The following SYS1 variants were observed in gnomAD, a reference collection of about 807,000 sequenced individuals.
SYS1 encodes protein SYS1 homolog.
Under a neutral mutation model 17.8 loss-of-function variants are expected in SYS1, and 8 were observed. The ratio of observed to expected loss-of-function variants is 0.45; its 90% CI spans 0.26 to 0.81. The LOEUF (loss-of-function observed/expected upper bound fraction) is 0.81, where lower values mean the gene tolerates loss of function less well. Among genes scored for constraint, SYS1 ranks in the 40% least tolerant of loss-of-function variants. SYS1 has a pLI of 0.16. For missense variants in SYS1, 161 were observed against 203.9 expected (o/e 0.79, Z 1.28); for synonymous variants, 95 against 90.9 (o/e 1.05, Z -0.26).
chr20:45,375,372 C>G, exon 4 of SYS1: 2 of 1,614,162 alleles, frequency 1.2e-6, no homozygotes, highest in Non-Finnish European at 8.5e-7. Context: ...GCATTGCCGC[C>G]AATGACGTTT....
chr20:45,369,267 A>G (rs1023911771), downstream of SYS1: 1 of 152,202 alleles, frequency 6.6e-6, no homozygotes, highest in Non-Finnish European at 1.5e-5. Flanking sequence ...TCTTCACAAG[A>G]ACCCTCTGAA....
Position 45,367,273 on chromosome 20 carries a change from C to G in SYS1, c.*158C>G. ...GATAGTGAGGGCCTGTCAAAGAAGGCAGGTAGCAGTCAGCATGACAGCTGC... is the reference window on the plus strand; with the variant it reads ...GATAGTGAGGGCCTGTCAAAGAAGGGAGGTAGCAGTCAGCATGACAGCTGC... On this transcript the variant is annotated 3_prime_UTR_variant, in exon 4 of 4. Transcript: ENST00000243918. 6.9e-7 allele frequency: 1 copy of G among 1,452,082 alleles called. No individual in the cohort carries two copies. The allele number at this position is 1,452,082 out of a possible 1,614,324, so 89.9% of individuals were successfully genotyped here. A position where few individuals can be genotyped will look rare whatever the true frequency, so the allele number is the denominator to read the frequency against.
chr20:45,372,730 G>A (rs1449024976), downstream of SYS1: 1 of 152,268 alleles, frequency 6.6e-6, no homozygotes, highest in African/African-American at 2.4e-5. Flanking sequence ...TTAGCGGGGT[G>A]GTGGGGGCGG....
chr20:45,367,397 C>T lies in SYS1; in HGVS notation c.*282C>T, dbSNP rs951213730. Reference sequence around the variant, plus strand: ...GAATTGGAACCATGCCACTCTTGAGCCACAATACCTGTCACCAGCCTGTTG... The same window carrying T: ...GAATTGGAACCATGCCACTCTTGAGTCACAATACCTGTCACCAGCCTGTTG... On this transcript the variant is annotated 3_prime_UTR_variant, in exon 4 of 4. Transcript: ENST00000243918. 8.0e-7 allele frequency: 1 copy of T among 1,243,158 alleles called. No homozygotes were observed. The highest frequency in any genetic ancestry group is 3.8e-5 in the Admixed American group (1 of 26,042). 77.0% of individuals were successfully genotyped at this position (1,243,158 alleles called of 1,614,324 possible). A position where few individuals can be genotyped will look rare whatever the true frequency, so the allele number is the denominator to read the frequency against.
downstream of SYS1, among the ~76,000 whole-genome samples, chr20:45,369,484 C>T (rs531847453): frequency 1.3e-5 from 2 of 151,852 alleles, no homozygotes; most frequent in South Asian, 2.1e-4. Flanking sequence ...ATAATCATAT[C>T]TTCTTGTCCT....
chr20:45,375,496 C>A, exon 4 of SYS1: 2 of 1,606,532 alleles, frequency 1.2e-6, no homozygotes, highest in Non-Finnish European at 1.7e-6. Flanking sequence ...CTCGGAGCAC[C>A]CGATCTCCTG....
chr20:45,368,798 C>T lies in SYS1; in HGVS notation c.*1683C>T, dbSNP rs373599157. The T allele has an allele frequency of 3.0e-6, 3 of 985,328 alleles. No homozygotes were observed. The African/African-American group carries it at 5.2e-5, about 17-fold the overall frequency. 61.0% of individuals were successfully genotyped at this position (985,328 alleles called of 1,614,324 possible). A position where few individuals can be genotyped will look rare whatever the true frequency, so the allele number is the denominator to read the frequency against. The stretch of plus-strand genomic sequence containing the variant: ...TCAATTTCCCTCTAGACAACACAAA[C>T]TGCAGGCATGTGACTAACTTTGAAA... On this transcript the variant is annotated 3_prime_UTR_variant, in exon 4 of 4. Transcript: ENST00000243918.
intron 2 of SYS1, among the ~76,000 whole-genome samples, chr20:45,364,070 G>C (rs1228607789): frequency 1.3e-5 from 2 of 152,294 alleles, no homozygotes; most frequent in East Asian, 3.9e-4. Context: ...TGGACTTTGG[G>C]GTCAGACAGG....
At chr20:45,375,253 A>T in exon 4 of SYS1, 1 of 1,614,088 alleles carries the variant, frequency 6.2e-7, no homozygotes, top group Non-Finnish European at 8.5e-7. Flanking sequence ...CTTAATGAAG[A>T]TGACTCGGGG....
At chr20:45,371,212 T>C (rs1279554417), downstream of SYS1, among the ~76,000 whole-genome samples, 1 of 152,166 alleles carries the variant, frequency 6.6e-6, no homozygotes, top group Non-Finnish European at 1.5e-5. Context: ...TTCTTTAAAA[T>C]GGAAAAAGTG....
exon 4 of SYS1, chr20:45,376,518 C>T (rs1317154650): frequency 6.6e-6 from 1 of 152,254 alleles, no homozygotes; most frequent in Non-Finnish European, 1.5e-5. Flanking sequence ...CTGCTTCTGC[C>T]TCTTACCACC....
At chr20:45,365,474 T>C in intron 2 of SYS1, 145 bp from the exon 3 acceptor site, 1 of 817,846 alleles carries the variant, frequency 1.2e-6, no homozygotes, top group Admixed American at 1.7e-5. Flanking sequence ...AAAGCACCTA[T>C]TGGAAATAGG....
exon 4 of SYS1, chr20:45,375,101 T>G: frequency 6.2e-7 from 1 of 1,614,116 alleles, no homozygotes; most frequent in Non-Finnish European, 8.5e-7. Flanking sequence ...CAGCGGCGCT[T>G]GACCCAACGC....
At chr20:45,374,054 A>G (rs780759395), downstream of SYS1, 6 of 1,597,622 alleles carry the variant, frequency 3.8e-6, no homozygotes, top group African/African-American at 1.3e-5. Flanking sequence ...GACTGTCCCC[A>G]GGGGGCGCTG....
In SYS1 at chr20:45,363,323, G is replaced by C. The variant is rs940534394; in HGVS notation, c.-4+8G>C. 4 of 1,389,404 alleles carry C rather than the reference G, an allele frequency of 2.9e-6. No homozygotes were observed. The African/African-American group carries it at 4.4e-5, about 15-fold the overall frequency. The allele number at this position is 1,389,404 out of a possible 1,614,324, so 86.1% of individuals were successfully genotyped here. Reference sequence around the variant, plus strand: ...TCGTCGAGTCTGTCACTGGTGAGTAGACCCCAGAGGAGCTCGTGTACGGGC... The same window carrying C: ...TCGTCGAGTCTGTCACTGGTGAGTACACCCCAGAGGAGCTCGTGTACGGGC... On this transcript the variant is annotated splice_region_variant and intron_variant, in intron 1 of 3. Transcript: ENST00000243918.
rs1283102060 is a variant in SYS1 at position 45,368,223 on chromosome 20, A to AC, written c.*1112dup. 8 of 985,244 alleles carry AC rather than the reference A, an allele frequency of 8.1e-6. No homozygotes were observed. The highest frequency in any genetic ancestry group is 9.6e-6 in the Non-Finnish European group (8 of 829,932). The allele number at this position is 985,244 out of a possible 1,614,324, so 61.0% of individuals were successfully genotyped here. A position where few individuals can be genotyped will look rare whatever the true frequency, so the allele number is the denominator to read the frequency against. ...TTAGGCCACCTTCTCCCTTTCCTGG[A>AC]CCCCAGAGTCATTCCTCCATTTGGT... On this transcript the variant is annotated 3_prime_UTR_variant, in exon 4 of 4. Coordinates refer to ENST00000243918, the MANE Select transcript of SYS1 (RefSeq NM_033542.4).
intron 2 of SYS1, among the ~76,000 whole-genome samples, chr20:45,364,387 G>A (rs1232244945): frequency 2.0e-5 from 3 of 151,268 alleles, no homozygotes; most frequent in East Asian, 3.9e-4. Flanking sequence ...GGAATAAGAA[G>A]GTACTTTGTA....
At chr20:45,374,050 C>T (rs537773418), downstream of SYS1, 16 of 1,598,192 alleles carry the variant, frequency 1.0e-5, no homozygotes, top group South Asian at 1.1e-5. Context: ...CTAAGACTGT[C>T]CCCAGGGGGC....
downstream of SYS1, chr20:45,373,747 T>A: frequency 1.6e-6 from 1 of 617,678 alleles, no homozygotes; most frequent in South Asian, 1.9e-5. Flanking sequence ...CTGGCTTCTT[T>A]GGTTCTAGAC....
Sources: gnomAD v4.1 joint callset for allele counts (sites outside exome capture counted in the v4.1 genomes callset) on GRCh38, gnomAD v4.1.1 for gene constraint, MANE v1.5 for transcripts, NCBI Gene and HGNC (gene_info 2026-07-23, HGNC 2026-07-21) for gene names.